PPIL2: variants seen among roughly 807,000 people sequenced by gnomAD.
PPIL2 encodes the protein RING-type E3 ubiquitin-protein ligase PPIL2.
A neutral mutation model predicts 75.2 loss-of-function variants in PPIL2; 50 were observed. The ratio of observed to expected loss-of-function variants is 0.66; its 90% confidence interval spans 0.53 to 0.84. PPIL2 has a LOEUF of 0.84. PPIL2 is among the 40% of genes least tolerant of loss of function. The pLI, the probability that PPIL2 is intolerant of heterozygous loss-of-function variation, is 0.00. For missense variants in PPIL2, 590 were observed against 685.0 expected (o/e 0.86, Z 1.55); for synonymous variants, 245 against 258.8 (o/e 0.95, Z 0.51).
chr22:21,691,694 A>AC (rs1167373931), intron 15 of PPIL2, among the ~76,000 whole-genome samples: 1 of 152,044 alleles, frequency 6.6e-6, no homozygotes, highest in African/African-American at 2.4e-5. Flanking sequence ...TCTCCAAAAA[A>AC]AAAAAAAGAT....
Position 21,666,027 on chromosome 22 carries a change from C to T in PPIL2, c.-73C>T. 1 of 1,551,440 alleles carries T rather than the reference C, an allele frequency of 6.4e-7. No homozygotes were observed. The highest frequency in any genetic ancestry group is 8.8e-7 in the Non-Finnish European group (1 of 1,138,768). ...GGAACCCGGAAGTGGTCACGGAACT[C>T]GGCTGCGGCTCCATGGTCTGAGTTG... On this transcript the variant is annotated 5_prime_UTR_variant, in exon 1 of 20. Transcript: ENST00000398831.
intron 1 of PPIL2, among the ~76,000 whole-genome samples, chr22:21,666,883 C>T (rs774629551): frequency 6.6e-6 from 1 of 152,118 alleles, no homozygotes; most frequent in Admixed American, 6.6e-5. Flanking sequence ...CCGCTGCCGC[C>T]GTGTTGTTTC....
At chr22:21,695,282 AG>A in intron 19 of PPIL2, 111 bp from the exon 20 acceptor site, 1 of 1,347,734 alleles carries the variant, frequency 7.4e-7, no homozygotes, top group Non-Finnish European at 1.0e-6. Flanking sequence ...GGGATGTGGG[AG>A]CAGCAGGTGG....
chr22:21,668,011 G>T (rs1266977670), intron 1 of PPIL2, among the ~76,000 whole-genome samples: 1 of 151,586 alleles, frequency 6.6e-6, no homozygotes, highest in Non-Finnish European at 1.5e-5. Context: ...TCCTGACGTC[G>T]AGTGATCGAC....
intron 6 of PPIL2, among the ~76,000 whole-genome samples, chr22:21,680,604 C>G (rs1386874364): frequency 6.6e-5 from 10 of 151,480 alleles, no homozygotes; most frequent in Admixed American, 6.6e-4. Flanking sequence ...CCGAGGTGGG[C>G]AGATCATTAG....
At chr22:21,687,946 C>G in intron 13 of PPIL2, 127 bp from the exon 14 acceptor site, 1 of 1,275,736 alleles carries the variant, frequency 7.8e-7, no homozygotes. Flanking sequence ...CTGGGAGGGC[C>G]CCTCATTATC....
At chr22:21,672,976 C>A (rs968498756) in intron 5 of PPIL2, among the ~76,000 whole-genome samples, 6 of 152,184 alleles carry the variant, frequency 3.9e-5, no homozygotes, top group African/African-American at 1.4e-4. Context: ...GCTCTTCTGG[C>A]CCTTGTGGTG....
chr22:21,668,207 G>A (rs797010205), intron 1 of PPIL2, among the ~76,000 whole-genome samples: 2 of 152,064 alleles, frequency 1.3e-5, no homozygotes, highest in South Asian at 4.1e-4. Context: ...GTGGCCAAGA[G>A]AACCCCAGGA....
At chr22:21,691,162 TC>T (rs933202579) in intron 15 of PPIL2, among the ~76,000 whole-genome samples, 7 of 151,716 alleles carry the variant, frequency 4.6e-5, no homozygotes, top group Non-Finnish European at 8.8e-5. Context: ...CAGGCTGGTC[TC>T]CAACTCCTGA....
chr22:21,695,907 G>A lies in PPIL2; in HGVS notation c.*417G>A, dbSNP rs1301900036. ...TGTGATCATGGCTCACTGCAGCCTC[G>A]ACCTCCTGGGCTCAAGCAATCCTCC... is the stretch of plus-strand genomic sequence containing the variant. On this transcript the variant is annotated 3_prime_UTR_variant, in exon 20 of 20. Coordinates refer to ENST00000398831, the MANE Select transcript of PPIL2 (RefSeq NM_014337.4). The A allele has an allele frequency of 3.2e-6, 3 of 950,674 alleles. No homozygotes were observed. The highest frequency in any genetic ancestry group is 3.5e-5 in the African/African-American group (2 of 56,708). 58.9% of individuals were successfully genotyped at this position (950,674 alleles called of 1,614,324 possible).
rs532459737 is a variant in PPIL2 at position 21,686,512 on chromosome 22, T to C, written c.744T>C (p.Ala248=). The C allele has an allele frequency of 2.5e-6, 4 of 1,614,148 alleles. No homozygotes were observed. In the Admixed American group the frequency reaches 6.7e-5, roughly 27 times the overall value. The change falls in exon 11 of 20, where the codon GCT becomes GCC. Residue 248 remains alanine, a synonymous_variant. Coordinates refer to ENST00000398831, the MANE Select transcript of PPIL2 (RefSeq NM_014337.4). ...ACTATTCCACAGGGAAGGTCAGCGCTTCCTTCACCTCCACCGCGATGGTCC... is the reference window on the plus strand; with the variant it reads ...ACTATTCCACAGGGAAGGTCAGCGCCTCCTTCACCTCCACCGCGATGGTCC... The part of the protein sequence containing the change: ...AAHYSTGKVS[A]SFTSTAMVPE...
At chr22:21,694,489 C>G (rs1160850124) in intron 16 of PPIL2, 104 bp from the exon 17 acceptor site, 1 of 1,317,996 alleles carries the variant, frequency 7.6e-7, no homozygotes, top group African/African-American at 1.4e-5. Context: ...GACCACCAGG[C>G]CAGCCTCGGG....
chr22:21,676,166 C>A (rs141500266), intron 6 of PPIL2, among the ~76,000 whole-genome samples: 1 of 152,120 alleles, frequency 6.6e-6, no homozygotes, highest in Admixed American at 6.5e-5. Context: ...AACCTCAGCA[C>A]GTCATTGACG....
At position 21,672,392 on chromosome 22, in the gene PPIL2, G is replaced by A. The variant is rs372429601; in HGVS notation, c.243+11G>A. The A allele has an allele frequency of 6.1e-5, 97 of 1,600,326 alleles. No individual in the cohort carries two copies. Among genetic ancestry groups the A allele is most frequent in the Non-Finnish European group, 7.8e-5 (91 of 1,167,560 alleles). ...CCCAGCAATGGAGAGGTAGGTGGCT[G>A]TGCAGGAGTTTCAGTGATGCTAGTG... On this transcript the variant is annotated intron_variant, in intron 5 of 19. Transcript: ENST00000398831.
downstream of PPIL2, chr22:21,699,052 C>G (rs571895344): frequency 6.6e-6 from 1 of 152,610 alleles, no homozygotes; most frequent in Non-Finnish European, 1.5e-5. Context: ...CATTTCCCAC[C>G]TGCCAAGGCT....
intron 6 of PPIL2, among the ~76,000 whole-genome samples, chr22:21,676,950 C>T (rs1252722118): frequency 6.6e-6 from 1 of 150,622 alleles, no homozygotes; most frequent in East Asian, 2.0e-4. Context: ...AGAGGCGCCC[C>T]TACCTCCCGG....
intron 6 of PPIL2, among the ~76,000 whole-genome samples, chr22:21,679,722 C>A (rs2148527008): frequency 6.6e-6 from 1 of 151,944 alleles, no homozygotes; most frequent in Non-Finnish European, 1.5e-5. Context: ...GAGGTGTGAG[C>A]CACCTCTAAC....
intron 1 of PPIL2, among the ~76,000 whole-genome samples, chr22:21,666,438 A>G (rs951613822): frequency 6.6e-6 from 1 of 151,960 alleles, no homozygotes; most frequent in African/African-American, 2.4e-5. Flanking sequence ...AGTAGTCTCT[A>G]CCTCTTCCGT....
intron 6 of PPIL2, among the ~76,000 whole-genome samples, chr22:21,680,684 GCCGGGCA>G (rs2067077631): frequency 6.6e-6 from 1 of 151,546 alleles, no homozygotes; most frequent in African/African-American, 2.4e-5. Context: ...AGAAAAATTA[GCCGGGCA>G]TGATGGCAGG....
Sources: gnomAD v4.1 joint callset for allele counts (sites outside exome capture counted in the v4.1 genomes callset) on GRCh38, gnomAD v4.1.1 for gene constraint, MANE v1.5 for transcripts, NCBI Gene and HGNC (gene_info 2026-07-23, HGNC 2026-07-21) for gene names.